ANKRD30B: variants seen among roughly 807,000 people sequenced by gnomAD.
The protein encoded by ANKRD30B is ankyrin repeat domain-containing protein 30B.
Under a neutral mutation model 202.2 loss-of-function variants are expected in ANKRD30B, and 144 were observed. The ratio of observed to expected loss-of-function variants is 0.71; its 90% CI spans 0.62 to 0.82. ANKRD30B has a LOEUF of 0.82. ANKRD30B is among the 40% of genes least tolerant of loss of function. The probability of loss-of-function intolerance (pLI) is 0.00; values close to 1 mark genes in which losing one functional copy is unlikely to be tolerated. For missense variants in ANKRD30B, 1,487 were observed against 1,669.1 expected (o/e 0.89, Z 1.90); for synonymous variants, 508 against 561.3 (o/e 0.91, Z 1.34).
At chr18:14,891,950 A>G in the ANKRD30B span, among the ~76,000 whole-genome samples, 1 of 152,262 alleles carries the variant, frequency 6.6e-6, no homozygotes, top group Non-Finnish European at 1.5e-5. Flanking sequence ...CCAAAATGGA[A>G]TAAATGTATC....
chr18:14,916,819 T>C, the ANKRD30B span, among the ~76,000 whole-genome samples: 1 of 152,130 alleles, frequency 6.6e-6, no homozygotes, highest in Non-Finnish European at 1.5e-5. Context: ...TGGCTCCTAT[T>C]TCCTTAATGT....
rs769120475 is a variant in ANKRD30B at position 14,748,552 on chromosome 18, GCTGC to G, written c.136_139del (p.Ala46ProfsTer11). On this transcript the variant is annotated frameshift_variant, in exon 1 of 44. Transcript: ENST00000690538. LOFTEE classifies it high-confidence loss of function. ...CGGGGATCTAGGGAAGATCCATACA[GCTGC>G]CTCCCGGGGCCAAGTCCAGAAGCTG... 6.4e-7 allele frequency: 1 copy of G among 1,557,418 alleles called. No individual in the cohort carries two copies. The highest frequency in any genetic ancestry group is 8.7e-7 in the Non-Finnish European group (1 of 1,150,084).
In ANKRD30B at chr18:14,769,372, A is replaced by G. The variant is rs1916742399; in HGVS notation, c.1255A>G (p.Ser419Gly). 6.5e-7 allele frequency: 1 copy of G among 1,544,450 alleles called. No individual in the cohort carries two copies. The highest frequency in any genetic ancestry group is 1.4e-5 in the African/African-American group (1 of 72,790). ...VDVSSVEPIF[S>G]LFGTRTIENS... ...TGTGAGTTCTGTAGAGCCTATATTC[A>G]GGTAAGACTTTGCGGTTTTTTAAAA... Residue 419 changes from serine to glycine, a missense_variant and splice_region_variant, in exon 8 of 44, where the codon AGT becomes GGT. Physicochemically the swap from Ser to Gly is moderately conservative, Grantham distance 56. Around this residue, in one of 6 missense-constraint regions of ANKRD30B, gnomAD observed 889 missense variants for 841.4 expected, o/e 1.06. Coordinates refer to ENST00000690538, the MANE Select transcript of ANKRD30B (RefSeq NM_001367607.2).
chr18:14,928,220 G>T, the ANKRD30B span, among the ~76,000 whole-genome samples: 2 of 152,052 alleles, frequency 1.3e-5, no homozygotes, highest in African/African-American at 4.8e-5. Context: ...TGCCTGCCTC[G>T]GCGTCCCAAA....
intron 40 of ANKRD30B, among the ~76,000 whole-genome samples, chr18:14,849,928 T>C (rs1014930117): frequency 3.3e-5 from 5 of 151,642 alleles, no homozygotes; most frequent in Admixed American, 6.6e-5. Context: ...TTTCAACTTA[T>C]AAATTTACTA....
the ANKRD30B span, among the ~76,000 whole-genome samples, chr18:14,892,793 C>T: frequency 6.8e-6 from 1 of 146,754 alleles, no homozygotes; most frequent in Non-Finnish European, 1.5e-5. Context: ...TGGTGAATTC[C>T]TATAATTCTA....
In ANKRD30B at chr18:14,778,091, T is replaced by C. The variant is rs1967494464; in HGVS notation, c.1420+16T>C. ...AAAATAGAAGGTAAGAACCATTTTT[T>C]ATTTAAAACATCTTTTGACCAAATG... is the stretch of plus-strand genomic sequence containing the variant. On this transcript the variant is annotated intron_variant, in intron 10 of 43. Transcript: ENST00000690538. The C allele has an allele frequency of 6.8e-7, 1 of 1,471,886 alleles. No individual in the cohort carries two copies. Among genetic ancestry groups the C allele is most frequent in the African/African-American group, 1.4e-5 (1 of 71,128 alleles). The allele number at this position is 1,471,886 out of a possible 1,614,324, so 91.2% of individuals were successfully genotyped here.
rs140735746 is a variant in ANKRD30B at position 14,769,486 on chromosome 18, A to T, written c.1256+113A>T. ...GGCTAGACAACATATTATGTGCTTAATATTTATCATCTCACATAGTCATCA... is the reference window on the plus strand; with the variant it reads ...GGCTAGACAACATATTATGTGCTTATTATTTATCATCTCACATAGTCATCA... On this transcript the variant is annotated intron_variant, in intron 8 of 43. Coordinates refer to ENST00000690538, the MANE Select transcript of ANKRD30B (RefSeq NM_001367607.2). 1.0e-5 allele frequency: 8 copies of T among 781,578 alleles called. No homozygotes were observed. The African/African-American group carries it at 1.2e-4, about 12-fold the overall frequency. The allele number at this position is 781,578 out of a possible 1,614,324, so 48.4% of individuals were successfully genotyped here.
At chr18:14,933,547 G>A in the ANKRD30B span, among the ~76,000 whole-genome samples, 1 of 152,170 alleles carries the variant, frequency 6.6e-6, no homozygotes, top group African/African-American at 2.4e-5. Flanking sequence ...GCAAGGGCCA[G>A]GAAGGAGGTG....
the ANKRD30B span, among the ~76,000 whole-genome samples, chr18:14,876,031 A>G: frequency 6.6e-6 from 1 of 152,116 alleles, no homozygotes; most frequent in Non-Finnish European, 1.5e-5. Flanking sequence ...TGTACTGCTC[A>G]AGTCAGAGCA....
At chr18:14,798,562 TA>T (rs1481940761) in intron 20 of ANKRD30B, among the ~76,000 whole-genome samples, 1 of 151,528 alleles carries the variant, frequency 6.6e-6, no homozygotes, top group Admixed American at 6.6e-5. Context: ...CAGAAGGGAG[TA>T]TGCCTTAACC....
chr18:14,779,210 T>G (rs895181293), intron 10 of ANKRD30B, among the ~76,000 whole-genome samples: 1 of 152,180 alleles, frequency 6.6e-6, no homozygotes, highest in African/African-American at 2.4e-5. Context: ...ATTTTCTGCC[T>G]CATGGCTCTC....
intron 1 of ANKRD30B, among the ~76,000 whole-genome samples, chr18:14,749,577 G>A (rs1213889935): frequency 6.7e-6 from 1 of 149,890 alleles, no homozygotes; most frequent in African/African-American, 2.5e-5. Context: ...AGGCTGAGGC[G>A]GGAGAATTGC....
intron 26 of ANKRD30B, 120 bp downstream of exon 26, chr18:14,808,864 A>G: frequency 2.3e-6 from 2 of 887,030 alleles, no homozygotes; most frequent in Non-Finnish European, 3.3e-6. Flanking sequence ...AATTTGATAC[A>G]AATAATGCAA....
intron 6 of ANKRD30B, among the ~76,000 whole-genome samples, chr18:14,763,377 G>A (rs140257075): frequency 0.011 from 1,648 of 152,088 alleles, 21 homozygotes; most frequent in African/African-American, 0.038. Context: ...GGTGAAACTC[G>A]TCTCTACTAA....
At position 14,772,936 on chromosome 18, in the gene ANKRD30B, C is replaced by T. The variant is rs139369910; in HGVS notation, c.1329+708C>T. On this transcript the variant is annotated intron_variant, in intron 9 of 43. Transcript: ENST00000690538. ...GTTTGAGACCAGTGTGGGCACATAG[C>T]GAGACCTTATCACTAATTTTAAAAA... 8.7e-3 allele frequency among the ~76,000 whole-genome samples: 1,325 copies of T among 152,036 alleles called. 26 individuals carry two copies. The highest frequency in any genetic ancestry group is 0.03 in the African/African-American group (1,253 of 41,484).
At position 14,850,244 on chromosome 18, in the gene ANKRD30B, A is replaced by G. The variant is rs772702795; in HGVS notation, c.3426A>G (p.Arg1142=). The G allele has an allele frequency of 6.3e-7, 1 of 1,576,908 alleles. No individual in the cohort carries two copies. Among genetic ancestry groups the G allele is most frequent in the South Asian group, 1.2e-5 (1 of 84,052 alleles). ...CTTTAAATCAAGAAGAAGAGAAGAG[A>G]AGAAATGTCGATATATTAAAAGAAA... ...RLTLNQEEEK[R]RNVDILKEKI... is the part of the protein sequence containing the mutation. Residue 1142 remains arginine (R), a synonymous_variant, in exon 41 of 44, where the codon AGA becomes AGG. Coordinates refer to ENST00000690538, the MANE Select transcript of ANKRD30B (RefSeq NM_001367607.2).
At chr18:14,881,982 G>T in the ANKRD30B span, among the ~76,000 whole-genome samples, 1 of 152,112 alleles carries the variant, frequency 6.6e-6, no homozygotes, top group African/African-American at 2.4e-5. Context: ...AGGTTATTTG[G>T]ATTTTCTCTC....
At chr18:14,824,597 G>T (rs745869215) in intron 32 of ANKRD30B, among the ~76,000 whole-genome samples, 110 of 152,164 alleles carry the variant, frequency 7.2e-4, no homozygotes, top group Non-Finnish European at 1.1e-3. Flanking sequence ...TAATAAATAT[G>T]TAAATAAACT....
Sources: gnomAD v4.1 joint callset for allele counts (sites outside exome capture counted in the v4.1 genomes callset) on GRCh38, gnomAD v4.1.1 for gene constraint, gnomAD v4.1.1 regional missense constraint, MANE v1.5 for transcripts, NCBI Gene and HGNC (gene_info 2026-07-23, HGNC 2026-07-21) for gene names.